DYNC2H1: variants seen among roughly 807,000 people sequenced by gnomAD.
The protein encoded by DYNC2H1 is dynein cytoplasmic 2 heavy chain 1.
DYNC2H1 carries 410 observed loss-of-function variants against 570.0 expected under a neutral mutation model. The observed-to-expected ratio is 0.72, with a 90% confidence interval of 0.66 to 0.78. DYNC2H1 has a LOEUF of 0.78. Ranked by LOEUF, DYNC2H1 falls within the 30% of genes least tolerant of loss-of-function variation. The pLI, the probability that DYNC2H1 is intolerant of heterozygous loss-of-function variation, is 0.00. For missense variants in DYNC2H1, 4,865 were observed against 5,046.4 expected, an observed-to-expected ratio of 0.96 and a Z score of 1.09; for synonymous variants, 1,688 against 1,677.6, an observed-to-expected ratio of 1.01 and a Z score of -0.15.
intron 83 of DYNC2H1, among the ~76,000 whole-genome samples, chr11:103,377,945 C>CT (rs397737294): frequency 6.6e-6 from 1 of 151,822 alleles, no homozygotes; most frequent in Non-Finnish European, 1.5e-5. Context: ...CCATGTTGGC[C>CT]AGCTGGTCTC....
At chr11:103,315,296 G>T (rs1401604030) in intron 79 of DYNC2H1, among the ~76,000 whole-genome samples, 2 of 151,934 alleles carry the variant, frequency 1.3e-5, no homozygotes, top group African/African-American at 4.8e-5. Context: ...CTTGTTTATT[G>T]CTATGTTTTA....
At chr11:103,478,178 G>A (rs569652893) in intron 88 of DYNC2H1, among the ~76,000 whole-genome samples, 13 of 152,238 alleles carry the variant, frequency 8.5e-5, no homozygotes, top group Non-Finnish European at 1.9e-4. Context: ...TTAAAAAGAA[G>A]GGGTGGTCAT....
chr11:103,455,289 C>T lies in DYNC2H1; in HGVS notation c.12560C>T (p.Thr4187Ile). 1 of 1,612,720 alleles carries T rather than the reference C, an allele frequency of 6.2e-7. No individual in the cohort carries two copies. Among genetic ancestry groups the T allele is most frequent in the African/African-American group, 1.3e-5 (1 of 75,000 alleles). Reference sequence around the variant, plus strand: ...TTTCTTAATGCTCTTCGCCAGGAAACTGCAAGGTAATTAAAATGAAATACT... The same window carrying T: ...TTTCTTAATGCTCTTCGCCAGGAAATTGCAAGGTAATTAAAATGAAATACT... ...DTFLNALRQE[T>I]ARAVGRSVDS... The change falls in exon 86 of 89, where the codon ACT (threonine) becomes ATT (isoleucine). Residue 4187 changes from threonine (T) to isoleucine (I), a missense_variant. Thr to Ile is a moderately conservative substitution (Grantham distance 89). This residue lies in a region of DYNC2H1 where 2,401 missense variants were observed against 2,454.6 expected (regional missense o/e 0.98). Transcript: ENST00000375735.
At chr11:103,155,208 C>A in intron 24 of DYNC2H1, 123 bp from the exon 25 acceptor site, 1 of 928,348 alleles carries the variant, frequency 1.1e-6, no homozygotes. Context: ...GATTATTAAA[C>A]AAGAAAATGG....
chr11:103,445,348 A>G (rs612619), intron 85 of DYNC2H1, among the ~76,000 whole-genome samples: 53,714 of 152,012 alleles, frequency 0.35, 10,029 homozygotes, highest in African/African-American at 0.47. Flanking sequence ...GCTTCTTTCT[A>G]TGCCCATCTT....
rs758267270 is a variant in DYNC2H1 at position 103,324,030 on chromosome 11, A to G, written c.12039+40A>G. ...AGATCTACCTTCAAAAAAAGTTGCTAGTGAGCCTGAAGGAGACAAAATTAA... is the reference window on the plus strand; with the variant it reads ...AGATCTACCTTCAAAAAAAGTTGCTGGTGAGCCTGAAGGAGACAAAATTAA... On this transcript the variant is annotated intron_variant, in intron 82 of 88. Coordinates refer to ENST00000375735, the MANE Select transcript of DYNC2H1 (RefSeq NM_001377.3). The surrounding 1 kb of genome is among the most constrained non-coding windows in gnomAD (Gnocchi z 5.2). 7 of 1,516,732 alleles carry G rather than the reference A, an allele frequency of 4.6e-6. No individual in the cohort carries two copies. The East Asian group carries it at 1.6e-4, about 35-fold the overall frequency. 94.0% of individuals were successfully genotyped at this position (1,516,732 alleles called of 1,614,324 possible).
At chr11:103,155,693 G>A (rs1860785348) in intron 25 of DYNC2H1, among the ~76,000 whole-genome samples, 192 bp downstream of exon 25, 1 of 152,170 alleles carries the variant, frequency 6.6e-6, no homozygotes, top group Admixed American at 6.5e-5. Context: ...AAAAGCTAGA[G>A]GATACACAAA....
At chr11:103,378,069 G>A (rs1047411533) in intron 83 of DYNC2H1, among the ~76,000 whole-genome samples, 1 of 152,258 alleles carries the variant, frequency 6.6e-6, no homozygotes, top group Non-Finnish European at 1.5e-5. Flanking sequence ...TTCCAAAGAT[G>A]TGCACATGCA....
intron 81 of DYNC2H1, among the ~76,000 whole-genome samples, chr11:103,322,057 T>C (rs1353723372): frequency 6.6e-6 from 1 of 152,162 alleles, no homozygotes; most frequent in African/African-American, 2.4e-5. Flanking sequence ...ATATTACTCT[T>C]ACTGACTATC....
chr11:103,365,542 C>G (rs1277523569), intron 83 of DYNC2H1, among the ~76,000 whole-genome samples: 1 of 152,110 alleles, frequency 6.6e-6, no homozygotes, highest in Non-Finnish European at 1.5e-5. Context: ...GTCCAAAATA[C>G]ATTTTTTGAT....
Position 103,260,443 on chromosome 11 carries a change from AG to A in DYNC2H1, c.10695+468del, listed in dbSNP as rs577731715. 5.1e-3 allele frequency among the ~76,000 whole-genome samples: 780 copies of A among 152,296 alleles called. 3 individuals carry two copies. The highest frequency in any genetic ancestry group is 0.011 in the South Asian group (54 of 4,826). ...ACATTGTCCAATGTCTCTGGGGTTG[AG>A]GAACAAAATTATTTTGCATTGTTAG... On this transcript the variant is annotated intron_variant, in intron 70 of 88. Coordinates refer to ENST00000375735, the MANE Select transcript of DYNC2H1 (RefSeq NM_001377.3).
Position 103,133,623 on chromosome 11 carries a change from T to C in DYNC2H1, c.2022T>C (p.Tyr674=). 6.2e-7 allele frequency: 1 copy of C among 1,613,030 alleles called. No homozygotes were observed. Among genetic ancestry groups the C allele is most frequent in the Non-Finnish European group, 8.5e-7 (1 of 1,179,626 alleles). The part of the protein sequence containing the change: ...TWDNPKELEG[Y]IQKLQNAAER... ...ATAATCCTAAAGAATTAGAAGGCTA[T>C]ATCCAAAAACTCCAAAATGCTGCTG... Residue 674 remains tyrosine, a synonymous_variant, in exon 14 of 89, where the codon TAT becomes TAC. Coordinates refer to ENST00000375735, the MANE Select transcript of DYNC2H1 (RefSeq NM_001377.3). The surrounding 1 kb of genome is among the most constrained non-coding windows in gnomAD (Gnocchi z 4.8).
intron 1 of DYNC2H1, among the ~76,000 whole-genome samples, chr11:103,110,193 T>A (rs1858044706): frequency 6.6e-6 from 1 of 152,004 alleles, no homozygotes; most frequent in African/African-American, 2.4e-5. Context: ...CTAATTTTTG[T>A]ATTTTCAGTA....
Position 103,170,393 on chromosome 11 carries a change from A to G in DYNC2H1, c.5151+103A>G. The stretch of plus-strand genomic sequence containing the variant: ...TCTACTTAAAAATCACTACATTTAA[A>G]TTAGTTGAAGACAGAATTTGTTTAA... On this transcript the variant is annotated intron_variant, in intron 33 of 88. Transcript: ENST00000375735. This position sits in a 1 kb window ranked among gnomAD's most constrained non-coding sequence, Gnocchi z 4.8. The G allele has an allele frequency of 1.7e-6, 2 of 1,166,178 alleles. No individual in the cohort carries two copies. The highest frequency in any genetic ancestry group is 2.3e-6 in the Non-Finnish European group (2 of 868,326). 72.2% of individuals were successfully genotyped at this position (1,166,178 alleles called of 1,614,324 possible). A position where few individuals can be genotyped will look rare whatever the true frequency, so the allele number is the denominator to read the frequency against.
rs777833228 is a variant in DYNC2H1 at position 103,311,932 on chromosome 11, G to A, written c.11548G>A (p.Glu3850Lys). Residue 3850 changes from glutamate to lysine, a missense_variant, in exon 79 of 89, where the codon GAG becomes AAG. Around this residue, in one of 5 missense-constraint regions of DYNC2H1, gnomAD observed 2,401 missense variants for 2,454.6 expected, o/e 0.98. Transcript: ENST00000375735. The part of the protein sequence containing the change: ...LMRTYESWTP[E>K]QISKKDNTHR... ...GCGTACTTATGAGTCTTGGACTCCTGAGCAAATTAGCAAAAAAGATAATAC... is the reference window on the plus strand; with the variant it reads ...GCGTACTTATGAGTCTTGGACTCCTAAGCAAATTAGCAAAAAAGATAATAC... The A allele has an allele frequency of 6.2e-7, 1 of 1,613,536 alleles. No individual in the cohort carries two copies. Among genetic ancestry groups the A allele is most frequent in the Non-Finnish European group, 8.5e-7 (1 of 1,179,762 alleles).
At position 103,299,007 on chromosome 11, in the gene DYNC2H1, A is replaced by G. The variant is rs1866946219; in HGVS notation, c.11096-4086A>G. Among the ~76,000 whole-genome samples the G allele has an allele frequency of 6.6e-6, 1 of 152,132 alleles. No individual in the cohort carries two copies. The highest frequency in any genetic ancestry group is 1.5e-5 in the Non-Finnish European group (1 of 67,994). On this transcript the variant is annotated intron_variant, in intron 75 of 88. Coordinates refer to ENST00000375735, the MANE Select transcript of DYNC2H1 (RefSeq NM_001377.3). This position sits in a 1 kb window ranked among gnomAD's most constrained non-coding sequence, Gnocchi z 4.5. ...TTTAGAAATGGTAGTGACCAGATGC[A>G]AGTATTCTTACTTCTGTAATTCTGA... is the stretch of plus-strand genomic sequence containing the variant.
rs565978882 is a variant in DYNC2H1, at chr11:103,329,401, C to T, written c.12039+5411C>T. On this transcript the variant is annotated intron_variant, in intron 82 of 88. Coordinates refer to ENST00000375735, the MANE Select transcript of DYNC2H1 (RefSeq NM_001377.3). ...ATTTCAAAATCTTTTCTAGAATCAT[C>T]TCTGTAGAATGTTGGAGGATAGAAA... Among the ~76,000 whole-genome samples the T allele has an allele frequency of 4.8e-5, 7 of 146,512 alleles. No individual in the cohort carries two copies. The South Asian group carries it at 8.8e-4, about 18-fold the overall frequency.
intron 83 of DYNC2H1, among the ~76,000 whole-genome samples, chr11:103,390,578 G>A (rs1942100347): frequency 6.6e-6 from 1 of 152,184 alleles, no homozygotes; most frequent in Non-Finnish European, 1.5e-5. Context: ...AGTTGATGCA[G>A]CTTCTTCCTA....
intron 28 of DYNC2H1, among the ~76,000 whole-genome samples, chr11:103,160,215 TG>T (rs1315453898): frequency 6.6e-6 from 1 of 152,136 alleles, no homozygotes; most frequent in Non-Finnish European, 1.5e-5. Context: ...ATAGTTTTTT[TG>T]TGAAGATCAA....
Sources: allele counts gnomAD v4.1 joint callset (sites outside exome capture counted in the v4.1 genomes callset), GRCh38; gene constraint gnomAD v4.1.1; regional missense constraint gnomAD v4.1.1; non-coding constraint Gnocchi (gnomAD v3.1); transcripts MANE v1.5; gene names NCBI Gene and HGNC (gene_info 2026-07-23, HGNC 2026-07-21).